The following FREM1 variants were observed in gnomAD, a reference collection of about 807,000 sequenced individuals.
FREM1 encodes the protein FRAS1 related extracellular matrix 1, also known as FRAS1-related extracellular matrix protein 1.
FREM1 carries 220 observed loss-of-function variants against 210.1 expected under a neutral mutation model. The ratio of observed to expected loss-of-function variants is 1.05; its 90% CI spans 0.94 to 1.17. The LOEUF (loss-of-function observed/expected upper bound fraction) is 1.17, where lower values mean the gene tolerates loss of function less well. Ranked by LOEUF, FREM1 falls within the 50% of genes most tolerant of loss-of-function variation. The pLI, the probability that FREM1 is intolerant of heterozygous loss-of-function variation, is 0.00. For missense variants in FREM1, 3,454 were observed against 2,675.5 expected, an observed-to-expected ratio of 1.29 and a Z score of -6.42; for synonymous variants, 1,189 against 980.2, an observed-to-expected ratio of 1.21 and a Z score of -3.98.
chr9:14,863,860 T>C lies in FREM1; in HGVS notation c.278A>G (p.His93Arg). Residue 93 changes from histidine (H) to arginine (R), a missense_variant, in exon 3 of 37, where the codon CAC becomes CGC. Coordinates refer to ENST00000380880, the MANE Select transcript of FREM1 (RefSeq NM_001379081.2). ...HFLPNEVKYV[H>R]NGCPILDEDT... The stretch of plus-strand genomic sequence containing the variant: ...TTCATCAAGAATTGGACAACCATTG[T>C]GAACATACTTGACTTCGTTGGGAAG... 1 of 1,613,530 alleles carries C rather than the reference T, an allele frequency of 6.2e-7. No individual in the cohort carries two copies. Among genetic ancestry groups the C allele is most frequent in the Non-Finnish European group, 8.5e-7 (1 of 1,179,444 alleles).
intron 27 of FREM1, among the ~76,000 whole-genome samples, chr9:14,766,870 T>A (rs554166482): frequency 6.6e-6 from 1 of 152,224 alleles, no homozygotes; most frequent in South Asian, 2.1e-4. Context: ...ACTTTGTGAT[T>A]CATCCCAGGA....
chr9:14,752,666 G>C (rs886733868), intron 29 of FREM1, among the ~76,000 whole-genome samples: 7 of 152,188 alleles, frequency 4.6e-5, no homozygotes, highest in African/African-American at 1.4e-4. Flanking sequence ...GGCATGAAAA[G>C]ATAAGAGGTG....
At chr9:14,864,887 A>C (rs1377765807) in intron 2 of FREM1, among the ~76,000 whole-genome samples, 1 of 152,214 alleles carries the variant, frequency 6.6e-6, no homozygotes, top group Non-Finnish European at 1.5e-5. Context: ...TAAATTGACA[A>C]CTAGGAAGGA....
intron 23 of FREM1, among the ~76,000 whole-genome samples, chr9:14,786,419 A>T (rs183725625): frequency 1.5e-3 from 229 of 152,332 alleles, no homozygotes; most frequent in African/African-American, 4.9e-3. Flanking sequence ...GGCCAAAAAA[A>T]TTTTTTTAAA....
chr9:14,898,180 G>C (rs531876815), intron 1 of FREM1, among the ~76,000 whole-genome samples: 1 of 152,156 alleles, frequency 6.6e-6, no homozygotes, highest in African/African-American at 2.4e-5. Flanking sequence ...TTTGAGCAAG[G>C]TTCCTATTCT....
At chr9:14,865,187 T>C (rs1029227268) in intron 2 of FREM1, among the ~76,000 whole-genome samples, 1 of 152,306 alleles carries the variant, frequency 6.6e-6, no homozygotes, top group Non-Finnish European at 1.5e-5. Context: ...GACAGTAAAA[T>C]GGTTCAAAGT....
At chr9:14,766,331 A>T (rs1846396365) in intron 27 of FREM1, among the ~76,000 whole-genome samples, 1 of 152,166 alleles carries the variant, frequency 6.6e-6, no homozygotes, top group Non-Finnish European at 1.5e-5. Context: ...TCCCAGATGC[A>T]TTCCATGAAA....
rs1006802860 is a variant in FREM1, at chr9:14,882,532, C to T, written c.-267-13288G>A. 1.4e-4 allele frequency among the ~76,000 whole-genome samples: 21 copies of T among 150,278 alleles called. No individual in the cohort carries two copies. In the South Asian group the frequency reaches 1.9e-3, roughly 14 times the overall value. On this transcript the variant is annotated intron_variant, in intron 1 of 36. Transcript: ENST00000380880. ...CTGCAGTGCAGTAGCACAGCCTTGG[C>T]TTACTGCAACCTCCTGGGTTCAAGC...
chr9:14,751,321 T>C (rs541786949), intron 29 of FREM1, among the ~76,000 whole-genome samples: 3 of 152,300 alleles, frequency 2.0e-5, no homozygotes, highest in East Asian at 1.9e-4. Flanking sequence ...CTCTATATGA[T>C]ACAGTTAAAC....
intron 23 of FREM1, among the ~76,000 whole-genome samples, chr9:14,787,143 C>T (rs1212919884): frequency 2.0e-5 from 3 of 152,154 alleles, no homozygotes; most frequent in Non-Finnish European, 4.4e-5. Context: ...CAAATGGAAA[C>T]AACCAAATGC....
intron 33 of FREM1, 65 bp from the exon 34 acceptor site, chr9:14,747,116 C>T (rs1842598099): frequency 1.2e-6 from 2 of 1,606,118 alleles, no homozygotes; most frequent in Admixed American, 1.7e-5. Flanking sequence ...CACACATTCA[C>T]CTCCTTTGGG....
rs977410786 is a variant in FREM1, at chr9:14,779,554, G to A, written c.4443-3351C>T. ...AGACTGAATTGCAAGAATGCCTGAC[G>A]GGGTCCTCAAAGCTCATCTCAGGAC... is the stretch of plus-strand genomic sequence containing the variant. On this transcript the variant is annotated intron_variant, in intron 24 of 36. Coordinates refer to ENST00000380880, the MANE Select transcript of FREM1 (RefSeq NM_001379081.2). 5.3e-6 allele frequency: 5 copies of A among 937,860 alleles called. No homozygotes were observed. In the South Asian group the frequency reaches 1.5e-4, roughly 28 times the overall value. The allele number at this position is 937,860 out of a possible 1,614,324, so 58.1% of individuals were successfully genotyped here. A position where few individuals can be genotyped will look rare whatever the true frequency, so the allele number is the denominator to read the frequency against.
chr9:14,769,684 A>G, intron 27 of FREM1, 40 bp downstream of exon 27: 1 of 1,593,786 alleles, frequency 6.3e-7, no homozygotes, highest in Non-Finnish European at 8.6e-7. Context: ...TACATTATGG[A>G]TGTAACATAT....
At chr9:14,793,716 G>C (rs1588018522) in intron 21 of FREM1, among the ~76,000 whole-genome samples, 2 of 152,250 alleles carry the variant, frequency 1.3e-5, no homozygotes, top group African/African-American at 2.4e-5. Flanking sequence ...AGAAAAATTG[G>C]GATGCCTGAA....
At chr9:14,817,987 C>T (rs1302483111) in intron 14 of FREM1, among the ~76,000 whole-genome samples, 2 of 152,206 alleles carry the variant, frequency 1.3e-5, no homozygotes, top group African/African-American at 4.8e-5. Context: ...CAAAGGATGA[C>T]TGGAGTCAAA....
intron 13 of FREM1, among the ~76,000 whole-genome samples, chr9:14,819,681 G>T (rs1002081277): frequency 6.6e-6 from 1 of 152,178 alleles, no homozygotes; most frequent in African/African-American, 2.4e-5. Context: ...AAGATTGAAA[G>T]TATCTACTTT....
At chr9:14,878,413 A>T (rs1057482199) in intron 1 of FREM1, among the ~76,000 whole-genome samples, 32 of 150,446 alleles carry the variant, frequency 2.1e-4, no homozygotes, top group African/African-American at 6.4e-4. Context: ...CCACCTCTCT[A>T]CTCTCAAGTT....
At chr9:14,807,506 A>G (rs1305986174) in intron 17 of FREM1, among the ~76,000 whole-genome samples, 2 of 152,190 alleles carry the variant, frequency 1.3e-5, no homozygotes, top group African/African-American at 4.8e-5. Flanking sequence ...AAATAAGGTT[A>G]AATGTATATA....
At chr9:14,893,758 A>G (rs1203808116) in intron 1 of FREM1, among the ~76,000 whole-genome samples, 1 of 152,184 alleles carries the variant, frequency 6.6e-6, no homozygotes, top group Non-Finnish European at 1.5e-5. Flanking sequence ...GGAAATGTGG[A>G]TTTTTTTGCC....
Sources: gnomAD v4.1 joint callset for allele counts (sites outside exome capture counted in the v4.1 genomes callset) on GRCh38, gnomAD v4.1.1 for gene constraint, MANE v1.5 for transcripts, NCBI Gene and HGNC (gene_info 2026-07-23, HGNC 2026-07-21) for gene names.